The following MVB12A variants were observed in gnomAD, a reference collection of about 807,000 sequenced individuals.
MVB12A encodes the protein CIN85/CD2AP family binding protein.
Under a neutral mutation model 34.3 loss-of-function variants are expected in MVB12A, and 30 were observed. That is an observed-to-expected ratio of 0.88 (90% CI 0.65 to 1.19). The LOEUF (loss-of-function observed/expected upper bound fraction) is 1.19, where lower values mean the gene tolerates loss of function less well. Among genes scored for constraint, MVB12A ranks in the 50% most tolerant of loss-of-function variants. MVB12A has a pLI of 0.00. For missense variants in MVB12A, 355 were observed against 369.2 expected, an observed-to-expected ratio of 0.96 and a Z score of 0.31; for synonymous variants, 158 against 158.9, an observed-to-expected ratio of 0.99 and a Z score of 0.04.
upstream of MVB12A, chr19:17,417,213 CTTTTTT>C (rs35583565): frequency 2.0e-3 from 195 of 97,004 alleles, 2 homozygotes; most frequent in African/African-American, 8.4e-3. Context: ...TCACCCAGAG[CTTTTTT>C]TTTTTTTTTT....
chr19:17,418,226 C>A, upstream of MVB12A: 1 of 170,104 alleles, frequency 5.9e-6, no homozygotes, highest in Non-Finnish European at 1.3e-5. Context: ...CTCTGTACAT[C>A]TGCACAAAAA....
intron 8 of MVB12A, 76 bp from the exon 9 acceptor site, chr19:17,424,855 C>T: frequency 8.1e-7 from 1 of 1,227,984 alleles, no homozygotes; most frequent in Non-Finnish European, 1.2e-6. Flanking sequence ...ACCCACTCTG[C>T]CATTCCTCAG....
upstream of MVB12A, chr19:17,419,841 C>T: frequency 3.7e-6 from 1 of 269,824 alleles, no homozygotes; most frequent in Non-Finnish European, 6.9e-6. Flanking sequence ...TGGTCCTGTG[C>T]CGTAGCATTT....
At chr19:17,417,185 C>T (rs2074805564), upstream of MVB12A, 1 of 184,164 alleles carries the variant, frequency 5.4e-6, no homozygotes, top group Non-Finnish European at 1.1e-5. Flanking sequence ...TTCACTGTCA[C>T]TTCAGCTATT....
intron 2 of MVB12A, among the ~76,000 whole-genome samples, chr19:17,411,960 G>A (rs1450087274): frequency 6.6e-6 from 1 of 152,220 alleles, no homozygotes; most frequent in Non-Finnish European, 1.5e-5. Context: ...GCTGGCCCCA[G>A]GGCGCTCAGC....
intron 3 of MVB12A, chr19:17,422,091 C>A: frequency 2.6e-6 from 1 of 379,848 alleles, no homozygotes; most frequent in Non-Finnish European, 4.8e-6. Context: ...GCTAGCCACC[C>A]CATGAATGCA....
At position 17,423,532 on chromosome 19, in the gene MVB12A, G is replaced by A. The variant is rs759692099; in HGVS notation, c.448G>A (p.Ala150Thr). 1.2e-5 allele frequency: 19 copies of A among 1,613,642 alleles called. No individual in the cohort carries two copies. Among genetic ancestry groups the A allele is most frequent in the Non-Finnish European group, 1.6e-5 (19 of 1,180,018 alleles). ...MGGFAIWCKK[A>T]KAPRPVPKPR... ...CGGCTTTGCCATCTGGTGCAAGAAG[G>A]CCAAGGCCCCGAGGCCAGTGCCCAA... Residue 150 changes from alanine to threonine, a missense_variant, in exon 5 of 9, where the codon GCC becomes ACC. Physicochemically the swap from Ala to Thr is moderately conservative, Grantham distance 58 (BLOSUM62 0). Transcript: ENST00000317040.
At chr19:17,423,943 C>A in intron 6 of MVB12A, 63 bp from the exon 7 acceptor site, 1 of 1,593,116 alleles carries the variant, frequency 6.3e-7, no homozygotes, top group Non-Finnish European at 8.6e-7. Flanking sequence ...GCGGGTTGGG[C>A]CTCTGTGGGT....
At chr19:17,413,270 C>G (rs1300349868) in intron 2 of MVB12A, 1 of 152,122 alleles carries the variant, frequency 6.6e-6, no homozygotes. Flanking sequence ...GAGGATCACT[C>G]GAGCCCAGAA....
Position 17,420,891 on chromosome 19 carries a change from T to C in MVB12A, c.286+257T>C, listed in dbSNP as rs2074834708. 6 of 672,120 alleles carry C rather than the reference T, an allele frequency of 8.9e-6. No homozygotes were observed. In the East Asian group the frequency reaches 1.7e-4, roughly 19 times the overall value. 41.6% of individuals were successfully genotyped at this position (672,120 alleles called of 1,614,324 possible). ...GTCCACGCCACCTGTTTCACTACTG[T>C]TGTGCTACTTGTGTCTTTTTACACC... On this transcript the variant is annotated intron_variant, in intron 3 of 8. Transcript: ENST00000317040.
intron 2 of MVB12A, among the ~76,000 whole-genome samples, chr19:17,410,009 G>A (rs995674380): frequency 6.6e-5 from 10 of 150,594 alleles, no homozygotes; most frequent in South Asian, 6.4e-4. Flanking sequence ...CGTCCATCTC[G>A]GCCTCCCAAA....
At chr19:17,415,851 C>G (rs1382886182), upstream of MVB12A, 1 of 152,292 alleles carries the variant, frequency 6.6e-6, no homozygotes, top group African/African-American at 2.4e-5. Context: ...AAGAGTGAAA[C>G]TCCGTTTCAA....
chr19:17,424,748 C>T, intron 8 of MVB12A, 71 bp downstream of exon 8: 1 of 1,527,098 alleles, frequency 6.5e-7, no homozygotes. Flanking sequence ...GGCACCCGCC[C>T]CTCGTCCGCC....
In MVB12A at chr19:17,413,118, C is replaced by T. The variant is rs369750779; in HGVS notation, c.-5+6822C>T. On this transcript the variant is annotated intron_variant, in intron 2 of 6. Coordinates refer to the MVB12A transcript ENST00000528604. ...GTAGGCATCTGGGTAAGCTACAATG[C>T]TTAACCACTTAACACAATCAGGAAG... 2.7e-5 allele frequency: 4 copies of T among 150,840 alleles called. No individual in the cohort carries two copies. In the East Asian group the frequency reaches 7.8e-4, roughly 29 times the overall value. The allele number at this position is 150,840 out of a possible 1,614,324, so 9.3% of individuals were successfully genotyped here.
At chr19:17,405,955 C>T (rs12979773) in intron 1 of MVB12A, 106,278 of 163,640 alleles carry the variant, frequency 0.65, 37,784 homozygotes, top group Non-Finnish European at 0.81. Flanking sequence ...GAGGCCATCA[C>T]TGTTGGTCCG....
At chr19:17,410,918 A>G (rs1263760182) in intron 2 of MVB12A, among the ~76,000 whole-genome samples, 1 of 91,576 alleles carries the variant, frequency 1.1e-5, no homozygotes, top group Non-Finnish European at 2.4e-5. Context: ...ACAGAGTGAG[A>G]CTCTGTCTCA....
chr19:17,410,529 T>TATATATATATATATATACACACACACAC lies in MVB12A; in HGVS notation c.-5+4234_-5+4235insTATATATATATATATACACACACACACA. Among the ~76,000 whole-genome samples, 4 of 74,448 alleles carry TATATATATATATATATACACACACACAC rather than the reference T, an allele frequency of 5.4e-5. 1 individual carries two copies. The highest frequency in any genetic ancestry group is 2.6e-4 in the African/African-American group (4 of 15,126). The allele number at this position is 74,448 out of a possible 152,430, so 48.8% of individuals were successfully genotyped here. On this transcript the variant is annotated intron_variant, in intron 2 of 6. Transcript: ENST00000528604. The stretch of plus-strand genomic sequence containing the variant: ...ATATATATATATATATATATATATA[T>TATATATATATATATATACACACACACAC]ACACACACACATATATATATACACA...
chr19:17,415,219 A>G (rs2074791650), upstream of MVB12A: 1 of 152,086 alleles, frequency 6.6e-6, no homozygotes, highest in Non-Finnish European at 1.5e-5. Flanking sequence ...CCATATGAGT[A>G]GACTCTCCCT....
In MVB12A at chr19:17,424,953, A is replaced by G. The variant is rs763350105; in HGVS notation, c.782A>G (p.Glu261Gly). 6.2e-7 allele frequency: 1 copy of G among 1,607,924 alleles called. No homozygotes were observed. The highest frequency in any genetic ancestry group is 8.5e-7 in the Non-Finnish European group (1 of 1,177,410). The change falls in exon 9 of 9, where the codon GAG (glutamate) becomes GGG (glycine). Residue 261 changes from glutamate (E) to glycine (G), a missense_variant. Transcript: ENST00000317040. ...CAGTATAACTACGGCTTCGTGGTGG[A>G]GAAGACCGCGGCTGCCCGCCTGCCC... ...EEEYNYGFVV[E>G]KTAAARLPPS...
Sources: allele counts gnomAD v4.1 joint callset (sites outside exome capture counted in the v4.1 genomes callset), GRCh38; gene constraint gnomAD v4.1.1; transcripts MANE v1.5; gene names NCBI Gene and HGNC (gene_info 2026-07-23, HGNC 2026-07-21).